Variants in SLC14A2 observed in about 807,000 individuals in gnomAD.
SLC14A2 encodes urea transporter 2.
Under a neutral mutation model 104.6 loss-of-function variants are expected in SLC14A2, and 91 were observed. That is an observed-to-expected ratio of 0.87 (90% confidence interval 0.73 to 1.04). The LOEUF is 1.04. SLC14A2 is among the 50% of genes least tolerant of loss of function. The pLI, the probability that SLC14A2 is intolerant of heterozygous loss-of-function variation, is 0.00. For missense variants in SLC14A2, 1,189 were observed against 1,156.0 expected, an observed-to-expected ratio of 1.03 and a Z score of -0.41; for synonymous variants, 476 against 466.4, an observed-to-expected ratio of 1.02 and a Z score of -0.27.
chr18:45,682,590 AC>A lies in SLC14A2; in HGVS notation c.*73del. ...GCCGTCCAGATCCCCAGGATAAGAG[AC>A]CACTTAGCCTTCCCTTTGGTCTGTT... On this transcript the variant is annotated 3_prime_UTR_variant, in exon 20 of 20. Coordinates refer to ENST00000255226, the MANE Select transcript of SLC14A2 (RefSeq NM_007163.4). The A allele has an allele frequency of 1.6e-6, 2 of 1,271,378 alleles. No individual in the cohort carries two copies. Among genetic ancestry groups the A allele is most frequent in the Non-Finnish European group, 2.3e-6 (2 of 869,244 alleles). The allele number at this position is 1,271,378 out of a possible 1,614,324, so 78.8% of individuals were successfully genotyped here.
chr18:45,462,891 C>T (rs1230117238), intron 1 of SLC14A2, among the ~76,000 whole-genome samples: 1 of 152,180 alleles, frequency 6.6e-6, no homozygotes. Flanking sequence ...TGCTTGTCAC[C>T]TGCTAAGCAC....
intron 2 of SLC14A2, among the ~76,000 whole-genome samples, chr18:45,505,178 T>G (rs2043262568): frequency 6.6e-6 from 1 of 152,152 alleles, no homozygotes; most frequent in South Asian, 2.1e-4. Flanking sequence ...TACAGCAGGC[T>G]AGGGAGAGGC....
chr18:45,576,272 CTTTTTT>C (rs776335445), intron 2 of SLC14A2, among the ~76,000 whole-genome samples: 2 of 90,698 alleles, frequency 2.2e-5, no homozygotes, highest in Admixed American at 2.6e-4. Context: ...GGAGCAGGGG[CTTTTTT>C]TTTTTTTTTT....
At chr18:45,508,966 C>T (rs1013873392) in intron 2 of SLC14A2, among the ~76,000 whole-genome samples, 4 of 152,124 alleles carry the variant, frequency 2.6e-5, no homozygotes, top group African/African-American at 9.7e-5. Context: ...TGCCAGCATC[C>T]CCCAAACCTT....
intron 1 of SLC14A2, among the ~76,000 whole-genome samples, chr18:45,341,662 G>T (rs1001237488): frequency 2.3e-5 from 3 of 129,346 alleles, no homozygotes; most frequent in Non-Finnish European, 4.6e-5. Flanking sequence ...GTGTGGTCTC[G>T]GCTCCCTGCA....
intron 1 of SLC14A2, among the ~76,000 whole-genome samples, chr18:45,246,257 C>A (rs772137759): frequency 2.0e-5 from 3 of 152,112 alleles, no homozygotes; most frequent in Non-Finnish European, 4.4e-5. Flanking sequence ...GGCCTCGGGA[C>A]AAAACCTACA....
chr18:45,575,636 T>C (rs1340662748), intron 2 of SLC14A2, among the ~76,000 whole-genome samples: 2 of 152,224 alleles, frequency 1.3e-5, no homozygotes, highest in Non-Finnish European at 2.9e-5. Context: ...CATTTTCCTC[T>C]GGCCTGGCCT....
At chr18:45,535,058 G>A (rs1453235134) in intron 2 of SLC14A2, among the ~76,000 whole-genome samples, 1 of 152,194 alleles carries the variant, frequency 6.6e-6, no homozygotes, top group Non-Finnish European at 1.5e-5. Flanking sequence ...CCCATCTGCT[G>A]TGATACCTGA....
At chr18:45,658,613 G>T (rs2144608601) in intron 10 of SLC14A2, among the ~76,000 whole-genome samples, 1 of 151,984 alleles carries the variant, frequency 6.6e-6, no homozygotes, top group Non-Finnish European at 1.5e-5. Context: ...ACAACTCACA[G>T]AAAGTGTAGA....
chr18:45,505,059 A>G (rs2043260339), intron 2 of SLC14A2, among the ~76,000 whole-genome samples: 1 of 152,204 alleles, frequency 6.6e-6, no homozygotes, highest in African/African-American at 2.4e-5. Flanking sequence ...GAGAGTTAGG[A>G]AAAGAAAAAT....
chr18:45,382,527 G>A (rs2085850264), intron 1 of SLC14A2, among the ~76,000 whole-genome samples: 1 of 152,162 alleles, frequency 6.6e-6, no homozygotes, highest in Non-Finnish European at 1.5e-5. Context: ...CTCTTCTGTA[G>A]TACTTAACTT....
chr18:45,261,027 TTTTAA>T (rs970926954), intron 1 of SLC14A2, among the ~76,000 whole-genome samples: 1 of 152,182 alleles, frequency 6.6e-6, no homozygotes, highest in African/African-American at 2.4e-5. Context: ...TTCTTTTTTT[TTTTAA>T]TTTAAGTTTT....
At chr18:45,370,510 G>T (rs1163916717) in intron 1 of SLC14A2, among the ~76,000 whole-genome samples, 1 of 152,208 alleles carries the variant, frequency 6.6e-6, no homozygotes, top group Non-Finnish European at 1.5e-5. Flanking sequence ...CTTCTCTAAA[G>T]AAAGACCCAA....
intron 2 of SLC14A2, among the ~76,000 whole-genome samples, chr18:45,594,013 A>G (rs1291225054): frequency 1.3e-5 from 2 of 152,198 alleles, no homozygotes; most frequent in Non-Finnish European, 2.9e-5. Context: ...AACCCAAAAT[A>G]GCACCTGCCA....
In SLC14A2 at chr18:45,328,523, C is replaced by T. The variant is rs140193552; in HGVS notation, c.-125+115332C>T. Among the ~76,000 whole-genome samples the T allele has an allele frequency of 5.3e-5, 8 of 152,314 alleles. No individual in the cohort carries two copies. In the East Asian group the frequency reaches 1.5e-3, roughly 29 times the overall value. ...CTCAGTCTTGAGATTCATGAAGTCTCAGTAACTCCCTCAGGGGCTGCGTCA... is the reference window on the plus strand; with the variant it reads ...CTCAGTCTTGAGATTCATGAAGTCTTAGTAACTCCCTCAGGGGCTGCGTCA... On this transcript the variant is annotated intron_variant, in intron 1 of 20. Coordinates refer to the SLC14A2 transcript ENST00000586448.
intron 2 of SLC14A2, among the ~76,000 whole-genome samples, chr18:45,567,429 G>A (rs2044282658): frequency 6.6e-6 from 1 of 152,194 alleles, no homozygotes; most frequent in Non-Finnish European, 1.5e-5. Context: ...TGGCTGGACA[G>A]CCCAGATCTG....
chr18:45,478,095 AC>A (rs2087418844), intron 1 of SLC14A2, among the ~76,000 whole-genome samples: 1 of 151,918 alleles, frequency 6.6e-6, no homozygotes, highest in Non-Finnish European at 1.5e-5. Flanking sequence ...TGTGCTTGAA[AC>A]CCAGGGCCCC....
chr18:45,524,241 C>T (rs1190645331), intron 2 of SLC14A2, among the ~76,000 whole-genome samples: 1 of 152,226 alleles, frequency 6.6e-6, no homozygotes, highest in African/African-American at 2.4e-5. Flanking sequence ...TCCTCTTGAA[C>T]CTTGCATGGA....
At chr18:45,369,960 C>T (rs2085705083) in intron 1 of SLC14A2, among the ~76,000 whole-genome samples, 1 of 152,164 alleles carries the variant, frequency 6.6e-6, no homozygotes, top group Non-Finnish European at 1.5e-5. Context: ...CCAAAGGCAT[C>T]CCTAGACCAA....
Sources: gnomAD v4.1 joint callset for allele counts (sites outside exome capture counted in the v4.1 genomes callset) on GRCh38, gnomAD v4.1.1 for gene constraint, MANE v1.5 for transcripts, NCBI Gene and HGNC (gene_info 2026-07-23, HGNC 2026-07-21) for gene names.